The following TNIK variants were observed in gnomAD, a reference collection of about 807,000 sequenced individuals.
The protein encoded by TNIK is TRAF2 and NCK-interacting protein kinase.
Under a neutral mutation model 191.3 loss-of-function variants are expected in TNIK, and 49 were observed. That is an observed-to-expected ratio of 0.26 (90% CI 0.20 to 0.32). The LOEUF is 0.32. Among genes scored for constraint, TNIK ranks in the 10% least tolerant of loss-of-function variants. The pLI, the probability that TNIK is intolerant of heterozygous loss-of-function variation, is 1.00. For synonymous variants in TNIK, 594 were observed against 600.9 expected (o/e 0.99, Z 0.17); for missense variants, 1,155 against 1,702.3 (o/e 0.68, Z 5.66).
At chr3:171,101,767 T>G (rs1723609717) in intron 21 of TNIK, 134 bp from the exon 22 acceptor site, 2 of 761,944 alleles carry the variant, frequency 2.6e-6, no homozygotes, top group Non-Finnish European at 2.1e-6. Context: ...ACATAGTTAC[T>G]GCATGGAACT....
chr3:171,215,021 T>C (rs1741294120), intron 3 of TNIK, among the ~76,000 whole-genome samples: 1 of 152,144 alleles, frequency 6.6e-6, no homozygotes, highest in African/African-American at 2.4e-5. Context: ...CTCTTCTCCT[T>C]GAACCTGGGC....
At chr3:171,357,202 A>G (rs1051602559) in intron 2 of TNIK, among the ~76,000 whole-genome samples, 2 of 152,150 alleles carry the variant, frequency 1.3e-5, no homozygotes, top group African/African-American at 4.8e-5. Context: ...ATTTTGTGTC[A>G]GTCTCCTTAA....
chr3:171,139,542 T>G lies in TNIK; in HGVS notation c.1347A>C (p.Arg449=). Reference sequence around the variant, plus strand: ...ACTGTCTCTGCTCCTCCTCTAACTGTCGCCTGATGTATTCCTGGAGAGGTA... The same window carrying G: ...ACTGTCTCTGCTCCTCCTCTAACTGGCGCCTGATGTATTCCTGGAGAGGTA... ...RAEHEQEYIR[R]QLEEEQRQLE... is the part of the protein sequence containing the mutation. The change falls in exon 14 of 33, where the codon CGA becomes CGC. Residue 449 remains arginine, a synonymous_variant. Transcript: ENST00000436636. 6.2e-7 allele frequency: 1 copy of G among 1,613,714 alleles called. No homozygotes were observed. The highest frequency in any genetic ancestry group is 8.5e-7 in the Non-Finnish European group (1 of 1,179,754).
intron 1 of TNIK, among the ~76,000 whole-genome samples, chr3:171,381,791 G>A (rs950844990): frequency 6.6e-6 from 1 of 152,184 alleles, no homozygotes; most frequent in Non-Finnish European, 1.5e-5. Flanking sequence ...CTGGGAGAAG[G>A]GTTCTTCTGT....
At chr3:171,258,289 A>C (rs1287386898) in intron 2 of TNIK, among the ~76,000 whole-genome samples, 1 of 152,222 alleles carries the variant, frequency 6.6e-6, no homozygotes, top group Non-Finnish European at 1.5e-5. Flanking sequence ...AACAAAGAAA[A>C]TGCACATCAC....
intron 2 of TNIK, among the ~76,000 whole-genome samples, chr3:171,250,347 G>T (rs1746087990): frequency 6.6e-6 from 1 of 152,142 alleles, no homozygotes; most frequent in Non-Finnish European, 1.5e-5. Context: ...TGAGATTTGG[G>T]TTAAATAGCT....
At chr3:171,300,575 T>C (rs1752775320) in intron 2 of TNIK, among the ~76,000 whole-genome samples, 1 of 152,166 alleles carries the variant, frequency 6.6e-6, no homozygotes, top group Admixed American at 6.6e-5. Flanking sequence ...TAAATGATGG[T>C]GACAGAAGAA....
chr3:171,085,316 G>C, intron 24 of TNIK, 87 bp from the exon 25 acceptor site: 3 of 1,252,380 alleles, frequency 2.4e-6, no homozygotes, highest in Non-Finnish European at 2.2e-6. Context: ...GCTGTAAAAC[G>C]ATCACAGATT....
chr3:171,450,406 T>C (rs368141312), intron 1 of TNIK, among the ~76,000 whole-genome samples: 11 of 152,314 alleles, frequency 7.2e-5, no homozygotes, highest in African/African-American at 2.2e-4. Context: ...TTTTGTGTTG[T>C]GGGAATGACT....
chr3:171,303,773 C>T (rs1753126441), intron 2 of TNIK, among the ~76,000 whole-genome samples: 1 of 152,164 alleles, frequency 6.6e-6, no homozygotes, highest in African/African-American at 2.4e-5. Flanking sequence ...TATGAGTAAA[C>T]ACTCTATACA....
intron 1 of TNIK, among the ~76,000 whole-genome samples, chr3:171,398,384 G>A (rs1414599460): frequency 3.9e-5 from 6 of 152,194 alleles, no homozygotes; most frequent in African/African-American, 1.4e-4. Context: ...TGTTGGGATA[G>A]CGTAAAAGAA....
intron 1 of TNIK, among the ~76,000 whole-genome samples, chr3:171,411,174 C>G (rs560459361): frequency 2.0e-5 from 3 of 151,916 alleles, no homozygotes; most frequent in Non-Finnish European, 2.9e-5. Flanking sequence ...GTCAAGCAAT[C>G]CTCCCACCTT....
At chr3:171,290,290 T>C (rs1194060154) in intron 2 of TNIK, among the ~76,000 whole-genome samples, 2 of 152,212 alleles carry the variant, frequency 1.3e-5, no homozygotes, top group African/African-American at 4.8e-5. Context: ...CAGGAAGAAG[T>C]GTGACATATG....
At chr3:171,424,912 A>T (rs1185979875) in intron 1 of TNIK, among the ~76,000 whole-genome samples, 2 of 151,922 alleles carry the variant, frequency 1.3e-5, no homozygotes, top group African/African-American at 4.8e-5. Context: ...GCAGCACACC[A>T]ACATGGCACA....
At chr3:171,157,328 C>T (rs1259334879) in intron 12 of TNIK, 132 bp downstream of exon 12, 3 of 1,114,932 alleles carry the variant, frequency 2.7e-6, no homozygotes, top group South Asian at 3.2e-5. Context: ...GACTTATCTG[C>T]CCTTGCAGTC....
At chr3:171,272,629 C>T (rs1002708609) in intron 2 of TNIK, among the ~76,000 whole-genome samples, 9 of 152,206 alleles carry the variant, frequency 5.9e-5, no homozygotes, top group Admixed American at 1.3e-4. Flanking sequence ...GCTGTTGATG[C>T]TTTGTCTTGC....
chr3:171,219,795 G>C (rs569083172), intron 3 of TNIK, among the ~76,000 whole-genome samples: 3 of 152,264 alleles, frequency 2.0e-5, no homozygotes, highest in African/African-American at 4.8e-5. Context: ...CTGTTGGTGG[G>C]AGTGTAAATT....
At chr3:171,357,261 T>G (rs1714226607) in intron 2 of TNIK, among the ~76,000 whole-genome samples, 1 of 152,202 alleles carries the variant, frequency 6.6e-6, no homozygotes, top group African/African-American at 2.4e-5. Flanking sequence ...CATATCTCAC[T>G]GAGTTAGGGC....
intron 1 of TNIK, among the ~76,000 whole-genome samples, chr3:171,392,517 G>A (rs888794603): frequency 6.6e-6 from 1 of 151,838 alleles, no homozygotes; most frequent in Admixed American, 6.6e-5. Context: ...ACAGTGGCTC[G>A]GCCTGAAGTC....
Sources: allele counts gnomAD v4.1 joint callset (sites outside exome capture counted in the v4.1 genomes callset), GRCh38; gene constraint gnomAD v4.1.1; transcripts MANE v1.5; gene names NCBI Gene and HGNC (gene_info 2026-07-23, HGNC 2026-07-21).